PSMB2: variants seen among roughly 807,000 people sequenced by gnomAD.
PSMB2 encodes proteasome subunit beta type-2.
PSMB2 carries 13 observed loss-of-function variants against 25.7 expected under a neutral mutation model. The ratio of observed to expected loss-of-function variants is 0.51; its 90% CI spans 0.33 to 0.80. The LOEUF is 0.80. Among genes scored for constraint, PSMB2 ranks in the 30% least tolerant of loss-of-function variants. The pLI, the probability that PSMB2 is intolerant of heterozygous loss-of-function variation, is 0.02. For synonymous variants in PSMB2, 87 were observed against 96.2 expected, an observed-to-expected ratio of 0.90 and a Z score of 0.56; for missense variants, 202 against 259.0, an observed-to-expected ratio of 0.78 and a Z score of 1.51.
At chr1:35,614,521 A>G (rs1650439006) in intron 3 of PSMB2, among the ~76,000 whole-genome samples, 2 of 152,232 alleles carry the variant, frequency 1.3e-5, no homozygotes, top group African/African-American at 4.8e-5. Flanking sequence ...AAGTAGTAAG[A>G]CAAAGTTTTG....
intron 3 of PSMB2, among the ~76,000 whole-genome samples, chr1:35,630,406 T>C (rs941847742): frequency 6.6e-6 from 1 of 152,228 alleles, no homozygotes; most frequent in African/African-American, 2.4e-5. Context: ...ACATTAGCTT[T>C]ATTCATATTG....
chr1:35,619,890 G>A (rs903339988), intron 3 of PSMB2, among the ~76,000 whole-genome samples: 2 of 152,082 alleles, frequency 1.3e-5, no homozygotes, highest in African/African-American at 4.8e-5. Context: ...CCCAAATAAC[G>A]TCAAAATAAA....
intron 1 of PSMB2, among the ~76,000 whole-genome samples, chr1:35,639,483 C>A (rs182280835): frequency 2.6e-5 from 4 of 152,268 alleles, no homozygotes; most frequent in African/African-American, 9.6e-5. Context: ...TAAAAACCAA[C>A]CTACTACTAA....
chr1:35,640,755 A>C (rs1366828290), intron 1 of PSMB2, among the ~76,000 whole-genome samples: 2 of 150,654 alleles, frequency 1.3e-5, no homozygotes, highest in Non-Finnish European at 2.9e-5. Flanking sequence ...AACTTATCAG[A>C]GATTCGGGGA....
intron 3 of PSMB2, among the ~76,000 whole-genome samples, chr1:35,623,124 T>C (rs1457128090): frequency 6.6e-6 from 1 of 152,212 alleles, no homozygotes; most frequent in Admixed American, 6.5e-5. Flanking sequence ...AAATGACCAC[T>C]AAAAACAGAA....
chr1:35,605,803 C>T (rs1229424053), intron 4 of PSMB2, among the ~76,000 whole-genome samples: 2 of 152,098 alleles, frequency 1.3e-5, no homozygotes, highest in East Asian at 1.9e-4. Flanking sequence ...TGTCTGTGGG[C>T]GTGGCAAACT....
chr1:35,622,395 A>G (rs1023985900), intron 3 of PSMB2, among the ~76,000 whole-genome samples: 1 of 152,190 alleles, frequency 6.6e-6, no homozygotes, highest in African/African-American at 2.4e-5. Flanking sequence ...AAACATTTTA[A>G]AAGTAAAAGC....
intron 4 of PSMB2, 114 bp from the exon 5 acceptor site, chr1:35,605,396 G>T (rs1013623537): frequency 8.4e-5 from 87 of 1,036,746 alleles, no homozygotes; most frequent in Non-Finnish European, 1.2e-4. Flanking sequence ...CCACACAAAC[G>T]TAAAAGGCAA....
At chr1:35,639,087 C>G (rs1029005453) in intron 1 of PSMB2, among the ~76,000 whole-genome samples, 1 of 152,010 alleles carries the variant, frequency 6.6e-6, no homozygotes, top group Non-Finnish European at 1.5e-5. Flanking sequence ...AACCCCGTTT[C>G]TACTAAAAAT....
intron 2 of PSMB2, chr1:35,631,560 C>G (rs1267622696): frequency 7.7e-7 from 1 of 1,302,580 alleles, no homozygotes; most frequent in Non-Finnish European, 1.0e-6. Flanking sequence ...TGGCCACAAA[C>G]AGAACCAGTT....
chr1:35,633,037 T>C (rs1045950077), intron 2 of PSMB2, among the ~76,000 whole-genome samples: 3 of 152,030 alleles, frequency 2.0e-5, no homozygotes, highest in African/African-American at 4.8e-5. Context: ...CTGGCCACCA[T>C]AGCGAAACTC....
Position 35,608,134 on chromosome 1 carries a change from G to A in PSMB2, c.448+1112C>T, listed in dbSNP as rs1007400684. On this transcript the variant is annotated intron_variant, in intron 4 of 5. Transcript: ENST00000373237. ...AATCCCAACACTTTGGGAGGGCAAG[G>A]CGGGTGGATCACTTGAAGTCAGGAG... 1.3e-5 allele frequency among the ~76,000 whole-genome samples: 2 copies of A among 152,214 alleles called. 1 individual carries two copies. Among genetic ancestry groups the A allele is most frequent in the South Asian group, 4.1e-4 (2 of 4,836 alleles).
intron 1 of PSMB2, among the ~76,000 whole-genome samples, chr1:35,636,883 TTAAC>T: frequency 6.6e-6 from 1 of 152,312 alleles, no homozygotes; most frequent in South Asian, 2.1e-4. Flanking sequence ...ATTGAATAAT[TTAAC>T]TAATTATTGC....
At position 35,601,998 on chromosome 1, in the gene PSMB2, C is replaced by A. The variant is rs1259053138; in HGVS notation, c.*1269G>T. 1.2e-6 allele frequency: 1 copy of A among 839,312 alleles called. No homozygotes were observed. The highest frequency in any genetic ancestry group is 1.8e-5 in the African/African-American group (1 of 54,126). The allele number at this position is 839,312 out of a possible 1,614,324, so 52.0% of individuals were successfully genotyped here. A position where few individuals can be genotyped will look rare whatever the true frequency, so the allele number is the denominator to read the frequency against. ...TATATGTATTGATATAAAACAATCTCTAATATAGTGTTAAGTGAAATAAGC... is the reference window on the plus strand; with the variant it reads ...TATATGTATTGATATAAAACAATCTATAATATAGTGTTAAGTGAAATAAGC... On this transcript the variant is annotated 3_prime_UTR_variant, in exon 6 of 6. Transcript: ENST00000373237.
At chr1:35,614,734 T>C (rs1465274523) in intron 3 of PSMB2, among the ~76,000 whole-genome samples, 1 of 152,200 alleles carries the variant, frequency 6.6e-6, no homozygotes, top group Non-Finnish European at 1.5e-5. Context: ...CACCAACATG[T>C]TTAAAGTTGT....
At chr1:35,622,115 G>A (rs1378104600) in intron 3 of PSMB2, among the ~76,000 whole-genome samples, 1 of 152,182 alleles carries the variant, frequency 6.6e-6, no homozygotes, top group African/African-American at 2.4e-5. Context: ...CTTGTGAAAA[G>A]CCTTCCCACT....
At chr1:35,615,995 A>T (rs1650481663) in intron 3 of PSMB2, among the ~76,000 whole-genome samples, 1 of 152,244 alleles carries the variant, frequency 6.6e-6, no homozygotes, top group Non-Finnish European at 1.5e-5. Flanking sequence ...GGGATTGTCA[A>T]AACTGCCTAA....
rs762880834 is a variant in PSMB2 at position 35,601,333 on chromosome 1, C to T, written c.*1934G>A. 1 of 977,658 alleles carries T rather than the reference C, an allele frequency of 1.0e-6. No homozygotes were observed. Among genetic ancestry groups the T allele is most frequent in the African/African-American group, 1.8e-5 (1 of 57,116 alleles). 60.6% of individuals were successfully genotyped at this position (977,658 alleles called of 1,614,324 possible). ...TGATCCGCCCGCCTCGGCGGGCGGC[C>T]AAAGTGCTGGGATTACAGGCATGAG... On this transcript the variant is annotated 3_prime_UTR_variant, in exon 6 of 6. Transcript: ENST00000373237.
At position 35,631,332 on chromosome 1, in the gene PSMB2, G is replaced by A; in HGVS notation, c.227C>T (p.Ser76Phe). The A allele has an allele frequency of 6.2e-7, 1 of 1,614,128 alleles. No homozygotes were observed. Among genetic ancestry groups the A allele is most frequent in the Non-Finnish European group, 8.5e-7 (1 of 1,179,980 alleles). The change falls in exon 3 of 6, where the codon TCT (serine) becomes TTT (phenylalanine). Residue 76 changes from serine (S) to phenylalanine (F), a missense_variant. Coordinates refer to ENST00000373237, the MANE Select transcript of PSMB2 (RefSeq NM_002794.5). ...LYKMRNGYEL[S>F]PTAAANFTRR... The stretch of plus-strand genomic sequence containing the variant: ...TGTGAAGTTAGCTGCTGCCGTGGGA[G>A]ACAATTCATATCCTGGTAGAAGAGA...
Sources: gnomAD v4.1 joint callset for allele counts (sites outside exome capture counted in the v4.1 genomes callset) on GRCh38, gnomAD v4.1.1 for gene constraint, MANE v1.5 for transcripts, NCBI Gene and HGNC (gene_info 2026-07-23, HGNC 2026-07-21) for gene names.